PLXNA4: variants seen among roughly 807,000 people sequenced by gnomAD.
PLXNA4 encodes plexin A4.
A neutral mutation model predicts 191.8 loss-of-function variants in PLXNA4; 44 were observed. That is an observed-to-expected ratio of 0.23 (90% CI 0.18 to 0.29). PLXNA4 has a LOEUF of 0.29. PLXNA4 is among the 10% of genes least tolerant of loss of function. PLXNA4 has a pLI of 1.00. For synonymous variants in PLXNA4, 1,082 were observed against 1,009.5 expected (o/e 1.07, Z -1.36); for missense variants, 1,800 against 2,488.8 (o/e 0.72, Z 5.89).
intron 3 of PLXNA4, among the ~76,000 whole-genome samples, chr7:132,301,025 G>A (rs1464788235): frequency 6.6e-6 from 1 of 152,226 alleles, no homozygotes; most frequent in East Asian, 1.9e-4. Flanking sequence ...CAGAGGGGTG[G>A]ATGAGGAAGC....
intron 3 of PLXNA4, among the ~76,000 whole-genome samples, chr7:132,314,883 T>A (rs538610656): frequency 6.6e-6 from 1 of 152,334 alleles, no homozygotes; most frequent in African/African-American, 2.4e-5. Flanking sequence ...GCAACAAAAT[T>A]GTCTTGCGTC....
chr7:132,532,923 GT>G (rs1799679828), intron 1 of PLXNA4, among the ~76,000 whole-genome samples: 1 of 152,160 alleles, frequency 6.6e-6, no homozygotes, highest in Non-Finnish European at 1.5e-5. Context: ...CTAGGCCTCA[GT>G]TTTCTTAAGC....
At chr7:132,232,757 G>C (rs767972557) in intron 5 of PLXNA4, among the ~76,000 whole-genome samples, 24 of 152,302 alleles carry the variant, frequency 1.6e-4, no homozygotes, top group African/African-American at 3.1e-4. Context: ...AGGAAGGAAG[G>C]GGGTGAGGGA....
intron 22 of PLXNA4, among the ~76,000 whole-genome samples, chr7:132,166,814 C>T (rs911524290): frequency 6.6e-6 from 1 of 151,914 alleles, no homozygotes; most frequent in Non-Finnish European, 1.5e-5. Context: ...CAGTGGGTGG[C>T]TGCGTGGTGA....
Position 132,223,532 on chromosome 7 carries a change from G to C in PLXNA4, c.2092C>G (p.Pro698Ala), listed in dbSNP as rs771064661. ...TCTGGCTGCCAGGGACCTACCTCGGGCAGCTTCACTCGGCCTTCCTGGAAG... is the reference window on the plus strand; with the variant it reads ...TCTGGCTGCCAGGGACCTACCTCGGCCAGCTTCACTCGGCCTTCCTGGAAG... ...CSFQEGRVKL[P>A]EDCPQLLRVD... Residue 698 changes from proline (P) to alanine (A), a missense_variant, in exon 9 of 32, where the codon CCC becomes GCC. Coordinates refer to ENST00000321063, the MANE Select transcript of PLXNA4 (RefSeq NM_020911.2). 3.7e-6 allele frequency: 6 copies of C among 1,612,460 alleles called. No individual in the cohort carries two copies. In the South Asian group the frequency reaches 6.6e-5, roughly 18 times the overall value.
chr7:132,642,255 T>C (rs1453354692), intron 2 of PLXNA4, among the ~76,000 whole-genome samples: 1 of 152,176 alleles, frequency 6.6e-6, no homozygotes, highest in Non-Finnish European at 1.5e-5. Context: ...AAAGCCAACA[T>C]TTCTGTAATT....
intron 2 of PLXNA4, among the ~76,000 whole-genome samples, chr7:132,599,386 C>T (rs1802775258): frequency 6.6e-6 from 1 of 152,214 alleles, no homozygotes; most frequent in African/African-American, 2.4e-5. Flanking sequence ...TCTCCATTTA[C>T]TCAGATCAAC....
intron 12 of PLXNA4, among the ~76,000 whole-genome samples, chr7:132,202,200 G>C (rs1017715915): frequency 6.6e-6 from 1 of 152,138 alleles, no homozygotes; most frequent in Non-Finnish European, 1.5e-5. Flanking sequence ...TGCTTTGGGG[G>C]AGTTCAAAGA....
chr7:132,274,581 A>C (rs1214456517), intron 4 of PLXNA4, among the ~76,000 whole-genome samples: 1 of 151,902 alleles, frequency 6.6e-6, no homozygotes, highest in Non-Finnish European at 1.5e-5. Context: ...ATCATCTCTC[A>C]TTTCTACCAA....
At chr7:132,554,352 C>G (rs1800697367) in intron 1 of PLXNA4, among the ~76,000 whole-genome samples, 1 of 152,150 alleles carries the variant, frequency 6.6e-6, no homozygotes, top group Non-Finnish European at 1.5e-5. Context: ...GGTGGAAAGA[C>G]CACCTCCACA....
chr7:132,362,340 G>A (rs78289866), intron 3 of PLXNA4, among the ~76,000 whole-genome samples: 2,069 of 152,320 alleles, frequency 0.014, 45 homozygotes, highest in African/African-American at 0.047. Flanking sequence ...AAGACCATAA[G>A]CACTCATTTC....
intron 9 of PLXNA4, among the ~76,000 whole-genome samples, chr7:132,217,228 A>T (rs1310707699): frequency 1.3e-5 from 2 of 152,242 alleles, no homozygotes; most frequent in Non-Finnish European, 2.9e-5. Context: ...TAAAAGCGAG[A>T]ATGATGACTT....
chr7:132,375,059 T>C (rs1804602952), intron 3 of PLXNA4, among the ~76,000 whole-genome samples: 2 of 152,214 alleles, frequency 1.3e-5, no homozygotes, highest in Admixed American at 6.5e-5. Flanking sequence ...CCCAAGCTCA[T>C]GTTAGTAAGG....
At chr7:132,501,410 T>C (rs530036892) in intron 2 of PLXNA4, among the ~76,000 whole-genome samples, 3 of 152,136 alleles carry the variant, frequency 2.0e-5, no homozygotes, top group Admixed American at 2.0e-4. Flanking sequence ...CAAACCTGAC[T>C]TTGTGCTAAG....
intron 4 of PLXNA4, among the ~76,000 whole-genome samples, chr7:132,247,308 C>T (rs568638789): frequency 1.1e-4 from 16 of 152,240 alleles, no homozygotes; most frequent in African/African-American, 3.9e-4. Context: ...TAATTGGATG[C>T]TAATGCAACG....
intron 2 of PLXNA4, among the ~76,000 whole-genome samples, chr7:132,643,519 T>C (rs1803795088): frequency 6.6e-6 from 1 of 151,696 alleles, no homozygotes; most frequent in Non-Finnish European, 1.5e-5. Flanking sequence ...TCCAGCCCAG[T>C]CTCAGAGGCC....
At chr7:132,135,440 G>A (rs1795084242) in intron 30 of PLXNA4, among the ~76,000 whole-genome samples, 1 of 152,190 alleles carries the variant, frequency 6.6e-6, no homozygotes, top group African/African-American at 2.4e-5. Flanking sequence ...CAGTAGGCAG[G>A]TGGCTCTGTC....
chr7:132,580,819 C>T (rs1278284500), upstream of PLXNA4, among the ~76,000 whole-genome samples: 2 of 152,356 alleles, frequency 1.3e-5, no homozygotes, highest in African/African-American at 2.4e-5. Context: ...GAGCTGCCCC[C>T]ATGGCTGGGT....
At chr7:132,622,362 G>C (rs1334797715) in intron 2 of PLXNA4, among the ~76,000 whole-genome samples, 1 of 152,114 alleles carries the variant, frequency 6.6e-6, no homozygotes, top group African/African-American at 2.4e-5. Context: ...CATTTGTGGG[G>C]TTATTTATTA....
Sources: gnomAD v4.1 joint callset for allele counts (sites outside exome capture counted in the v4.1 genomes callset) on GRCh38, gnomAD v4.1.1 for gene constraint, MANE v1.5 for transcripts, NCBI Gene and HGNC (gene_info 2026-07-23, HGNC 2026-07-21) for gene names.